UGGT2: variants seen among roughly 807,000 people sequenced by gnomAD.
UGGT2 encodes the protein UDP-glucose glycoprotein glucosyltransferase 2.
UGGT2 carries 180 observed loss-of-function variants against 192.1 expected under a neutral mutation model. That is an observed-to-expected ratio of 0.94 (90% CI 0.83 to 1.06). UGGT2 has a LOEUF of 1.06. UGGT2 is among the 50% of genes least tolerant of loss of function. The pLI is 0.00. For missense variants in UGGT2, 1,849 were observed against 1,795.7 expected, an observed-to-expected ratio of 1.03 and a Z score of -0.54; for synonymous variants, 580 against 591.0, an observed-to-expected ratio of 0.98 and a Z score of 0.27.
intron 17 of UGGT2, among the ~76,000 whole-genome samples, chr13:95,933,309 G>T (rs946861930): frequency 2.6e-5 from 4 of 152,040 alleles, no homozygotes; most frequent in Admixed American, 6.5e-5. Flanking sequence ...ATTCAATCTT[G>T]GGAGACCAGG....
intron 25 of UGGT2, among the ~76,000 whole-genome samples, chr13:95,890,250 A>G (rs1347620160): frequency 6.6e-6 from 1 of 152,174 alleles, no homozygotes; most frequent in Non-Finnish European, 1.5e-5. Context: ...ACACTTCACA[A>G]CATATGAAAG....
chr13:96,007,858 A>C (rs1195899681), intron 5 of UGGT2, among the ~76,000 whole-genome samples: 1 of 152,074 alleles, frequency 6.6e-6, no homozygotes, highest in African/African-American at 2.4e-5. Context: ...CACCAATGGA[A>C]CAGAATAGAG....
At chr13:96,019,268 G>C (rs2052443936) in intron 4 of UGGT2, among the ~76,000 whole-genome samples, 1 of 152,056 alleles carries the variant, frequency 6.6e-6, no homozygotes, top group Non-Finnish European at 1.5e-5. Flanking sequence ...TTGTGGCACA[G>C]CAAGCAACAT....
At position 95,856,342 on chromosome 13, in the gene UGGT2, T is replaced by C. The variant is rs760601640; in HGVS notation, c.3826-2A>G. The stretch of plus-strand genomic sequence containing the variant: ...TTTAGCCATGTGAGGAATTACTTCC[T>C]AAAAACACACACACAAAATCAAACA... On this transcript the variant is annotated splice_acceptor_variant, in intron 33 of 38. Coordinates refer to ENST00000376747, the MANE Select transcript of UGGT2 (RefSeq NM_020121.4). LOFTEE classifies it high-confidence loss of function. 1.3e-6 allele frequency: 2 copies of C among 1,598,208 alleles called. No individual in the cohort carries two copies. Among genetic ancestry groups the C allele is most frequent in the Non-Finnish European group, 1.7e-6 (2 of 1,176,458 alleles).
At chr13:95,934,492 C>A (rs886557697) in intron 17 of UGGT2, among the ~76,000 whole-genome samples, 7 of 152,230 alleles carry the variant, frequency 4.6e-5, no homozygotes, top group Non-Finnish European at 8.8e-5. Context: ...CAGCTAAGAA[C>A]TTCATGACAG....
At chr13:95,933,357 C>A (rs2049351596) in intron 17 of UGGT2, among the ~76,000 whole-genome samples, 1 of 152,302 alleles carries the variant, frequency 6.6e-6, no homozygotes, top group South Asian at 2.1e-4. Flanking sequence ...AGTTTGTATG[C>A]ATAGAGGTCT....
At chr13:96,046,183 A>G (rs2053304370) in intron 1 of UGGT2, among the ~76,000 whole-genome samples, 1 of 152,194 alleles carries the variant, frequency 6.6e-6, no homozygotes, top group Non-Finnish European at 1.5e-5. Flanking sequence ...ATAAACCCAA[A>G]TACTTCCAGC....
chr13:95,930,304 C>G (rs2049204521), intron 17 of UGGT2, among the ~76,000 whole-genome samples: 1 of 152,232 alleles, frequency 6.6e-6, no homozygotes. Flanking sequence ...GTTTTTGATG[C>G]AATTGCTTTT....
chr13:96,038,283 T>C (rs889740810), intron 1 of UGGT2, among the ~76,000 whole-genome samples: 2 of 152,226 alleles, frequency 1.3e-5, no homozygotes, highest in Non-Finnish European at 2.9e-5. Flanking sequence ...GTTTTGTCTC[T>C]GAAGCTCACC....
intron 1 of UGGT2, among the ~76,000 whole-genome samples, chr13:96,046,935 T>A (rs1336522118): frequency 3.9e-5 from 6 of 152,186 alleles, no homozygotes; most frequent in Admixed American, 1.3e-4. Context: ...GCACCCGCCA[T>A]TGCTGAGGTT....
chr13:95,844,090 A>G (rs2120964), intron 36 of UGGT2, among the ~76,000 whole-genome samples: 4 of 152,022 alleles, frequency 2.6e-5, no homozygotes, highest in Non-Finnish European at 5.9e-5. Flanking sequence ...CCTCCCAAGT[A>G]GCTGGAATTA....
At chr13:95,821,979 T>C (rs1484569760) in intron 38 of UGGT2, among the ~76,000 whole-genome samples, 5 of 152,186 alleles carry the variant, frequency 3.3e-5, no homozygotes, top group Admixed American at 6.5e-5. Flanking sequence ...GTAGTAGAAT[T>C]TGAAATCTAG....
chr13:96,023,608 A>T (rs772040531), intron 3 of UGGT2, 21 bp downstream of exon 3: 1 of 1,598,200 alleles, frequency 6.3e-7, no homozygotes, highest in Non-Finnish European at 8.5e-7. Flanking sequence ...TGTCAAATAC[A>T]GATTGGGTAT....
At chr13:95,975,486 C>A (rs1310938964) in intron 10 of UGGT2, among the ~76,000 whole-genome samples, 1 of 152,160 alleles carries the variant, frequency 6.6e-6, no homozygotes, top group African/African-American at 2.4e-5. Context: ...AGCTGGATTT[C>A]ATACTATATT....
intron 17 of UGGT2, among the ~76,000 whole-genome samples, chr13:95,928,826 T>G (rs978735511): frequency 1.3e-5 from 2 of 152,062 alleles, no homozygotes; most frequent in African/African-American, 4.8e-5. Context: ...CTCGGCACTT[T>G]GGGAGGGCAA....
intron 5 of UGGT2, among the ~76,000 whole-genome samples, chr13:96,001,142 G>C (rs1476561075): frequency 6.6e-6 from 1 of 152,168 alleles, no homozygotes; most frequent in Non-Finnish European, 1.5e-5. Flanking sequence ...CATCCCCTGT[G>C]ACTTGCACGT....
chr13:95,853,736 A>G, intron 35 of UGGT2, 79 bp from the exon 36 acceptor site: 1 of 909,892 alleles, frequency 1.1e-6, no homozygotes, highest in Non-Finnish European at 1.6e-6. Context: ...GAGTGTCTAC[A>G]GTGACGGTAT....
intron 12 of UGGT2, among the ~76,000 whole-genome samples, chr13:95,951,530 T>C (rs1244490964): frequency 6.6e-6 from 1 of 152,192 alleles, no homozygotes; most frequent in African/African-American, 2.4e-5. Flanking sequence ...GAGCTCAGAA[T>C]CATACAGAGC....
At chr13:95,839,852 A>G (rs1274222566) in intron 36 of UGGT2, among the ~76,000 whole-genome samples, 1 of 152,002 alleles carries the variant, frequency 6.6e-6, no homozygotes, top group Non-Finnish European at 1.5e-5. Context: ...GTGGTATCTC[A>G]TTGTGGTTTT....
Sources: allele counts gnomAD v4.1 joint callset (sites outside exome capture counted in the v4.1 genomes callset), GRCh38; gene constraint gnomAD v4.1.1; transcripts MANE v1.5; gene names NCBI Gene and HGNC (gene_info 2026-07-23, HGNC 2026-07-21).